SORCS3: variants seen among roughly 807,000 people sequenced by gnomAD.
The protein encoded by SORCS3 is sortilin related VPS10 domain containing receptor 3, also known as VPS10 domain-containing receptor SorCS3.
Under a neutral mutation model 146.3 loss-of-function variants are expected in SORCS3, and 57 were observed. The observed-to-expected ratio is 0.39, with a 90% CI of 0.31 to 0.49. SORCS3 has a LOEUF of 0.49. Among genes scored for constraint, SORCS3 ranks in the 20% least tolerant of loss-of-function variants. SORCS3 has a pLI of 0.92. For missense variants in SORCS3, 1,341 were observed against 1,575.5 expected, an observed-to-expected ratio of 0.85 and a Z score of 2.52; for synonymous variants, 653 against 618.5, an observed-to-expected ratio of 1.06 and a Z score of -0.83.
chr10:104,942,738 C>A (rs1316095532), intron 3 of SORCS3, among the ~76,000 whole-genome samples: 2 of 152,064 alleles, frequency 1.3e-5, no homozygotes, highest in Admixed American at 1.3e-4. Context: ...CACTCAATAC[C>A]CATTCATGAT....
chr10:104,895,759 G>A (rs924659957), intron 2 of SORCS3, among the ~76,000 whole-genome samples: 9 of 152,140 alleles, frequency 5.9e-5, no homozygotes, highest in Admixed American at 2.0e-4. Context: ...TGTATGATGG[G>A]GGAAGAGTTT....
intron 19 of SORCS3, among the ~76,000 whole-genome samples, chr10:105,217,614 T>G (rs527912115): frequency 6.6e-6 from 1 of 152,328 alleles, no homozygotes; most frequent in South Asian, 2.1e-4. Flanking sequence ...ACAAAATTAA[T>G]TTTTACATAC....
In SORCS3 at chr10:104,835,883, A is replaced by G. The variant is rs575084254; in HGVS notation, c.628-6909A>G. Among the ~76,000 whole-genome samples, 11 of 152,324 alleles carry G rather than the reference A, an allele frequency of 7.2e-5. No individual in the cohort carries two copies. In the East Asian group the frequency reaches 1.2e-3, roughly 16 times the overall value. ...CTTATAAAGCAAGCTGGCATCCCTT[A>G]TTTGATTTGAATCAGCAACCCTGTG... On this transcript the variant is annotated intron_variant, in intron 1 of 26. Coordinates refer to ENST00000369701, the MANE Select transcript of SORCS3 (RefSeq NM_014978.3).
intron 1 of SORCS3, among the ~76,000 whole-genome samples, chr10:104,838,941 G>C (rs1238726336): frequency 1.3e-5 from 2 of 152,118 alleles, no homozygotes; most frequent in Non-Finnish European, 2.9e-5. Context: ...TACCTTGGGG[G>C]TACTTGGTCA....
intron 4 of SORCS3, among the ~76,000 whole-genome samples, chr10:105,004,650 G>A (rs962090069): frequency 2.0e-5 from 3 of 152,144 alleles, no homozygotes; most frequent in Non-Finnish European, 2.9e-5. Context: ...ACGCAAGGAA[G>A]CCAGGTGGGC....
At chr10:104,909,916 C>A (rs1179379114) in intron 2 of SORCS3, among the ~76,000 whole-genome samples, 1 of 151,938 alleles carries the variant, frequency 6.6e-6, no homozygotes, top group Non-Finnish European at 1.5e-5. Context: ...ACCTCCACTC[C>A]TGACTGAAAT....
rs545829181 is a variant in SORCS3 at position 104,905,015 on chromosome 10, C to T, written c.696-10818C>T. 1.4e-4 allele frequency among the ~76,000 whole-genome samples: 22 copies of T among 152,162 alleles called. No homozygotes were observed. In the South Asian group the frequency reaches 1.9e-3, roughly 13 times the overall value. ...ATATTCTATGACTTGACAATACATCCGACTTCTAGCTAATTGCTTTTTCCT... is the reference window on the plus strand; with the variant it reads ...ATATTCTATGACTTGACAATACATCTGACTTCTAGCTAATTGCTTTTTCCT... On this transcript the variant is annotated intron_variant, in intron 2 of 26. Coordinates refer to ENST00000369701, the MANE Select transcript of SORCS3 (RefSeq NM_014978.3).
intron 1 of SORCS3, among the ~76,000 whole-genome samples, chr10:104,744,298 A>C (rs761425925): frequency 6.6e-6 from 1 of 152,110 alleles, no homozygotes; most frequent in Non-Finnish European, 1.5e-5. Flanking sequence ...TCCCTCCCCT[A>C]TGGTGCTCTG....
chr10:105,045,464 T>C (rs547478862), intron 5 of SORCS3, among the ~76,000 whole-genome samples: 1 of 152,290 alleles, frequency 6.6e-6, no homozygotes, highest in African/African-American at 2.4e-5. Flanking sequence ...TGATATATAA[T>C]TACCGCGATT....
At chr10:104,810,072 G>A (rs931973483) in intron 1 of SORCS3, among the ~76,000 whole-genome samples, 1 of 152,180 alleles carries the variant, frequency 6.6e-6, no homozygotes, top group Non-Finnish European at 1.5e-5. Flanking sequence ...TTTAAGCAGA[G>A]CCATATGCCA....
In SORCS3 at chr10:104,995,162, C is replaced by T. The variant is rs572159745; in HGVS notation, c.954+17669C>T. On this transcript the variant is annotated intron_variant, in intron 4 of 26. Coordinates refer to ENST00000369701, the MANE Select transcript of SORCS3 (RefSeq NM_014978.3). ...TTTCTTTTCTTTTCTTTCTTTCTTT[C>T]TCTTTTTTTTTTTTTGGGATGGAGT... Among the ~76,000 whole-genome samples, 856 of 121,708 alleles carry T rather than the reference C, an allele frequency of 7.0e-3. 11 individuals carry two copies. Among genetic ancestry groups the T allele is most frequent in the Middle Eastern group, 0.032 (8 of 250 alleles). 79.8% of individuals were successfully genotyped at this position (121,708 alleles called of 152,430 possible). A position where few individuals can be genotyped will look rare whatever the true frequency, so the allele number is the denominator to read the frequency against.
intron 4 of SORCS3, among the ~76,000 whole-genome samples, chr10:104,978,368 A>G (rs1173930680): frequency 6.6e-6 from 1 of 152,176 alleles, no homozygotes; most frequent in Non-Finnish European, 1.5e-5. Context: ...TGACCCCAAT[A>G]AGACCTCCTT....
At chr10:105,024,694 G>A (rs1039330201) in intron 4 of SORCS3, among the ~76,000 whole-genome samples, 1 of 152,204 alleles carries the variant, frequency 6.6e-6, no homozygotes, top group Admixed American at 6.5e-5. Context: ...CTGGATTGGA[G>A]TTTCCACTTC....
At chr10:104,878,351 A>G (rs1411759726) in intron 2 of SORCS3, among the ~76,000 whole-genome samples, 1 of 152,204 alleles carries the variant, frequency 6.6e-6, no homozygotes, top group East Asian at 1.9e-4. Context: ...GAGGGAAATA[A>G]AAGGTGCTAT....
At chr10:105,081,391 T>C (rs2055624594) in intron 5 of SORCS3, among the ~76,000 whole-genome samples, 1 of 152,200 alleles carries the variant, frequency 6.6e-6, no homozygotes, top group Admixed American at 6.5e-5. Flanking sequence ...AGTTGGATTC[T>C]AGGGCCACTG....
At chr10:104,849,711 T>C (rs140728220) in intron 2 of SORCS3, among the ~76,000 whole-genome samples, 3 of 152,308 alleles carry the variant, frequency 2.0e-5, no homozygotes, top group Admixed American at 2.0e-4. Flanking sequence ...AATGCAAAAG[T>C]TGTCAATGTA....
intron 1 of SORCS3, among the ~76,000 whole-genome samples, chr10:104,663,514 C>T (rs1206671031): frequency 6.6e-6 from 1 of 152,190 alleles, no homozygotes; most frequent in African/African-American, 2.4e-5. Context: ...TTGCTTTCCT[C>T]TCTCCGCATG....
chr10:105,191,084 C>T (rs960852240), intron 14 of SORCS3, among the ~76,000 whole-genome samples: 1 of 152,234 alleles, frequency 6.6e-6, no homozygotes, highest in African/African-American at 2.4e-5. Flanking sequence ...TATTCTACAG[C>T]CACTCAGACA....
chr10:104,966,973 A>G (rs1265104594), intron 3 of SORCS3, among the ~76,000 whole-genome samples: 1 of 144,180 alleles, frequency 6.9e-6, no homozygotes, highest in East Asian at 1.9e-4. Context: ...TTTTTTTTTC[A>G]AAAGATACTG....
Sources: allele counts gnomAD v4.1 joint callset (sites outside exome capture counted in the v4.1 genomes callset), GRCh38; gene constraint gnomAD v4.1.1; transcripts MANE v1.5; gene names NCBI Gene and HGNC (gene_info 2026-07-23, HGNC 2026-07-21).